STX8: variants seen among roughly 807,000 people sequenced by gnomAD.
STX8 encodes the protein syntaxin 8, also known as syntaxin-8.
A neutral mutation model predicts 37.5 loss-of-function variants in STX8; 23 were observed. The observed-to-expected ratio is 0.61, with a 90% CI of 0.44 to 0.87. The LOEUF is 0.87. Among genes scored for constraint, STX8 ranks in the 40% least tolerant of loss-of-function variants. The probability of loss-of-function intolerance (pLI) is 0.00; values close to 1 mark genes in which losing one functional copy is unlikely to be tolerated. For missense variants in STX8, 313 were observed against 284.7 expected (o/e 1.10, Z -0.71); for synonymous variants, 115 against 99.1 (o/e 1.16, Z -0.95).
intron 7 of STX8, among the ~76,000 whole-genome samples, chr17:9,370,844 CT>C (rs1911379815): frequency 6.6e-6 from 1 of 151,172 alleles, no homozygotes; most frequent in South Asian, 2.1e-4. Context: ...TGTAAATGTC[CT>C]TAATGGAAGT....
intron 6 of STX8, among the ~76,000 whole-genome samples, chr17:9,398,337 C>T (rs1363483825): frequency 3.3e-5 from 5 of 152,184 alleles, no homozygotes; most frequent in Admixed American, 6.5e-5. Context: ...CTCATAACCC[C>T]AGTGTTATCA....
intron 7 of STX8, among the ~76,000 whole-genome samples, chr17:9,374,540 G>A (rs1016997587): frequency 6.6e-6 from 1 of 152,034 alleles, no homozygotes; most frequent in African/African-American, 2.4e-5. Flanking sequence ...ACTGACCCCC[G>A]TACAGCTTTA....
intron 6 of STX8, among the ~76,000 whole-genome samples, chr17:9,460,533 C>A (rs188664036): frequency 6.7e-4 from 102 of 151,940 alleles, no homozygotes; most frequent in African/African-American, 2.4e-3. Context: ...ATTAGCTGGG[C>A]CTGGTGGTGG....
chr17:9,420,363 G>A (rs1475291592), intron 6 of STX8, among the ~76,000 whole-genome samples: 1 of 152,086 alleles, frequency 6.6e-6, no homozygotes, highest in East Asian at 1.9e-4. Flanking sequence ...TTCCTAAAGG[G>A]CACGACTCCG....
intron 4 of STX8, among the ~76,000 whole-genome samples, chr17:9,516,937 T>A (rs764288271): frequency 1.3e-5 from 2 of 152,106 alleles, no homozygotes; most frequent in Non-Finnish European, 2.9e-5. Flanking sequence ...GGCCCAACAC[T>A]TGAGGATATG....
intron 6 of STX8, among the ~76,000 whole-genome samples, chr17:9,420,720 C>G (rs1007665905): frequency 2.0e-5 from 3 of 152,130 alleles, no homozygotes; most frequent in African/African-American, 7.2e-5. Context: ...GCTTGAGGCG[C>G]GATTATTACG....
chr17:9,487,558 C>G (rs1281664631), intron 6 of STX8, among the ~76,000 whole-genome samples: 1 of 152,134 alleles, frequency 6.6e-6, no homozygotes, highest in Non-Finnish European at 1.5e-5. Context: ...TGCCCTATCT[C>G]CGAGGAGCAA....
chr17:9,453,255 A>G (rs1238472248), intron 6 of STX8, among the ~76,000 whole-genome samples: 1 of 152,192 alleles, frequency 6.6e-6, no homozygotes, highest in Non-Finnish European at 1.5e-5. Context: ...GTAAGCCTCC[A>G]GGAAAATCAA....
intron 7 of STX8, among the ~76,000 whole-genome samples, chr17:9,352,107 G>A (rs531123692): frequency 8.7e-5 from 13 of 150,000 alleles, no homozygotes; most frequent in African/African-American, 3.2e-4. Context: ...AGCTACGATT[G>A]TGCCACTGCA....
In STX8 at chr17:9,429,995, A is replaced by ATATATT. The variant is rs1913867156; in HGVS notation, c.542-51343_542-51342insAATATA. On this transcript the variant is annotated intron_variant, in intron 6 of 7. Transcript: ENST00000306357. ...ATATTATATAGAATATATTATATAT[A>ATATATT]ATATATATATTATATATTATATATT... Among the ~76,000 whole-genome samples, 8 of 5,186 alleles carry ATATATT rather than the reference A, an allele frequency of 1.5e-3. 2 individuals are homozygous for ATATATT. The highest frequency in any genetic ancestry group is 2.0e-3 in the Non-Finnish European group (7 of 3,502). 3.4% of individuals were successfully genotyped at this position (5,186 alleles called of 152,430 possible).
At chr17:9,563,269 G>A (rs1043412505) in intron 2 of STX8, among the ~76,000 whole-genome samples, 7 of 151,488 alleles carry the variant, frequency 4.6e-5, no homozygotes, top group African/African-American at 1.5e-4. Context: ...TGTAACCTCC[G>A]CCTCCTGAGT....
At chr17:9,260,967 CAGA>C (rs1688801080) in intron 7 of STX8, among the ~76,000 whole-genome samples, 1 of 151,994 alleles carries the variant, frequency 6.6e-6, no homozygotes, top group South Asian at 2.1e-4. Flanking sequence ...ATCTGGGGGC[CAGA>C]GGGAGCAAGA....
At chr17:9,494,258 G>A (rs1252290988) in intron 5 of STX8, among the ~76,000 whole-genome samples, 2 of 151,264 alleles carry the variant, frequency 1.3e-5, no homozygotes, top group East Asian at 2.0e-4. Flanking sequence ...CTCGTGATCC[G>A]CCCGCCTCGG....
intron 3 of STX8, among the ~76,000 whole-genome samples, chr17:9,545,783 G>C (rs1240197512): frequency 6.6e-6 from 1 of 152,168 alleles, no homozygotes; most frequent in Non-Finnish European, 1.5e-5. Context: ...TTTTTGCCAT[G>C]CTGGCCAGGC....
At chr17:9,543,945 G>A (rs1174249301) in intron 4 of STX8, among the ~76,000 whole-genome samples, 1 of 152,128 alleles carries the variant, frequency 6.6e-6, no homozygotes, top group Non-Finnish European at 1.5e-5. Flanking sequence ...AGGAAAATCA[G>A]TTTCATTTTC....
intron 4 of STX8, among the ~76,000 whole-genome samples, chr17:9,530,045 C>T (rs1352870200): frequency 6.6e-6 from 1 of 152,112 alleles, no homozygotes; most frequent in African/African-American, 2.4e-5. Context: ...CAGTGGCTCA[C>T]GCCTGTAATC....
intron 7 of STX8, among the ~76,000 whole-genome samples, chr17:9,367,157 G>A (rs1023105448): frequency 6.7e-6 from 1 of 148,780 alleles, no homozygotes; most frequent in Non-Finnish European, 1.5e-5. Context: ...GACAATGTGG[G>A]TTTTTGTTTT....
intron 7 of STX8, among the ~76,000 whole-genome samples, chr17:9,290,909 A>T (rs1260346753): frequency 6.6e-6 from 1 of 152,142 alleles, no homozygotes; most frequent in Non-Finnish European, 1.5e-5. Flanking sequence ...CCTCTGCTGA[A>T]AAAGACAACC....
At chr17:9,399,200 C>T (rs1912516301) in intron 6 of STX8, among the ~76,000 whole-genome samples, 1 of 152,154 alleles carries the variant, frequency 6.6e-6, no homozygotes, top group Non-Finnish European at 1.5e-5. Context: ...ACATGAACCT[C>T]AGGTTCCAAA....
Sources: gnomAD v4.1 joint callset for allele counts (sites outside exome capture counted in the v4.1 genomes callset) on GRCh38, gnomAD v4.1.1 for gene constraint, MANE v1.5 for transcripts, NCBI Gene and HGNC (gene_info 2026-07-23, HGNC 2026-07-21) for gene names.